NSD1: variants seen among roughly 807,000 people sequenced by gnomAD.
NSD1 encodes the protein nuclear receptor binding SET domain protein 1, also known as histone-lysine N-methyltransferase, H3 lysine-36 specific.
NSD1 carries 26 observed loss-of-function variants against 242.7 expected under a neutral mutation model. The ratio of observed to expected loss-of-function variants is 0.11; its 90% CI spans 0.08 to 0.15. The LOEUF is 0.15. NSD1 is among the 10% of genes least tolerant of loss of function. NSD1 has a pLI of 1.00. For missense variants in NSD1, 2,495 were observed against 3,272.8 expected, an observed-to-expected ratio of 0.76 and a Z score of 5.80; for synonymous variants, 1,106 against 1,178.1, an observed-to-expected ratio of 0.94 and a Z score of 1.25.
chr5:177,138,312 G>C (rs1756518144), intron 2 of NSD1, among the ~76,000 whole-genome samples: 1 of 151,006 alleles, frequency 6.6e-6, no homozygotes, highest in South Asian at 2.1e-4. Context: ...CTGGAGTGTA[G>C]TGGCGCGATC....
chr5:177,157,477 C>A (rs995097202), intron 2 of NSD1, among the ~76,000 whole-genome samples: 1 of 151,758 alleles, frequency 6.6e-6, no homozygotes, highest in African/African-American at 2.4e-5. Flanking sequence ...GTGGGCAGAT[C>A]ACTTGAGGTC....
At chr5:177,259,705 G>A (rs1290858162) in intron 13 of NSD1, among the ~76,000 whole-genome samples, 2 of 152,088 alleles carry the variant, frequency 1.3e-5, no homozygotes, top group African/African-American at 2.4e-5. Flanking sequence ...ATTTATTCTG[G>A]GGCTGATTTC....
intron 2 of NSD1, among the ~76,000 whole-genome samples, chr5:177,168,576 C>A (rs990572093): frequency 1.3e-5 from 2 of 151,678 alleles, no homozygotes; most frequent in African/African-American, 4.8e-5. Context: ...TTCTCCTGCC[C>A]CACCCTCCCA....
In NSD1 at chr5:177,214,134, C is replaced by G. The variant is rs570709889; in HGVS notation, c.3796+1939C>G. Among the ~76,000 whole-genome samples the G allele has an allele frequency of 2.6e-4, 40 of 152,190 alleles. No homozygotes were observed. The East Asian group carries it at 5.4e-3, about 21-fold the overall frequency. On this transcript the variant is annotated intron_variant, in intron 5 of 22. Transcript: ENST00000439151. ...ATCACCTGAGGTCAGGAGTTCAAGA[C>G]CAGCCTGGCCAACATGGCAAAACCC...
chr5:177,260,495 C>T (rs887715802), intron 14 of NSD1, among the ~76,000 whole-genome samples: 1 of 151,628 alleles, frequency 6.6e-6, no homozygotes, highest in Non-Finnish European at 1.5e-5. Context: ...TACAGGTGCC[C>T]GCCACCATGC....
At chr5:177,220,411 C>T (rs139160483) in intron 5 of NSD1, among the ~76,000 whole-genome samples, 1 of 152,142 alleles carries the variant, frequency 6.6e-6, no homozygotes, top group Non-Finnish European at 1.5e-5. Flanking sequence ...CAGCCATTCA[C>T]GTTCAGCCTC....
chr5:177,221,144 A>G (rs1247009100), intron 5 of NSD1: 1 of 384,628 alleles, frequency 2.6e-6, no homozygotes, highest in East Asian at 9.1e-5. Context: ...CAGTGCAGGG[A>G]TTACAGGTGT....
chr5:177,272,921 A>G (rs1758058441), intron 16 of NSD1, among the ~76,000 whole-genome samples: 1 of 151,744 alleles, frequency 6.6e-6, no homozygotes, highest in Non-Finnish European at 1.5e-5. Context: ...TAGATTAGCT[A>G]TGAAGATCTG....
chr5:177,183,328 C>T (rs1760847179), intron 2 of NSD1, among the ~76,000 whole-genome samples: 1 of 152,102 alleles, frequency 6.6e-6, no homozygotes, highest in African/African-American at 2.4e-5. Context: ...CACTTTATCG[C>T]AATATTTGCA....
In NSD1 at chr5:177,268,326, G is replaced by GT. The variant is rs1337984197; in HGVS notation, c.5303+609dup. 4.8e-4 allele frequency among the ~76,000 whole-genome samples: 58 copies of GT among 121,490 alleles called. No homozygotes were observed. The Middle Eastern group carries it at 0.02, about 43-fold the overall frequency. The allele number at this position is 121,490 out of a possible 152,430, so 79.7% of individuals were successfully genotyped here. On this transcript the variant is annotated intron_variant, in intron 15 of 22. Coordinates refer to ENST00000439151, the MANE Select transcript of NSD1 (RefSeq NM_022455.5). ...TGAACATCACACACCGGGAACTGTT[G>GT]TGGGGTGGGGGGTGGGGGGAGGGAT...
chr5:177,248,037 C>A, intron 10 of NSD1, 144 bp from the exon 11 acceptor site: 1 of 1,520,344 alleles, frequency 6.6e-7, no homozygotes, highest in Non-Finnish European at 8.8e-7. Context: ...AGGGTTAGAA[C>A]TAACATTGCA....
At chr5:177,212,422 C>T (rs930696459) in intron 5 of NSD1, among the ~76,000 whole-genome samples, 3 of 151,782 alleles carry the variant, frequency 2.0e-5, no homozygotes, top group African/African-American at 7.3e-5. Flanking sequence ...TTTCCCCAAC[C>T]TTTTCAAGTA....
At chr5:177,225,735 G>A (rs976008897) in intron 5 of NSD1, among the ~76,000 whole-genome samples, 15 of 151,912 alleles carry the variant, frequency 9.9e-5, no homozygotes, top group Non-Finnish European at 1.5e-4. Context: ...CACAATTTTC[G>A]TTCATTATAT....
Position 177,260,107 on chromosome 5 carries a change from T to C in NSD1, c.5085T>C (p.Pro1695=), listed in dbSNP as rs778140864. Residue 1695 remains proline (P), a synonymous_variant, in exon 14 of 23, where the codon CCT becomes CCC. Coordinates refer to ENST00000439151, the MANE Select transcript of NSD1 (RefSeq NM_022455.5). ...TCATCTGCCCTAATCACTTTACCCCTAGGCGGGGCTGCCGAAATCATGAGC... is the reference window on the plus strand; with the variant it reads ...TCATCTGCCCTAATCACTTTACCCCCAGGCGGGGCTGCCGAAATCATGAGC... ...NSIICPNHFT[P]RRGCRNHEHV... The C allele has an allele frequency of 6.2e-7, 1 of 1,614,022 alleles. No homozygotes were observed. The highest frequency in any genetic ancestry group is 1.3e-5 in the African/African-American group (1 of 74,906).
intron 17 of NSD1, among the ~76,000 whole-genome samples, chr5:177,276,843 G>A (rs766264532): frequency 2.6e-5 from 4 of 152,124 alleles, no homozygotes; most frequent in Admixed American, 6.5e-5. Context: ...AACGAAAAAA[G>A]TCATAAACTG....
chr5:177,197,634 A>C (rs949621494), intron 3 of NSD1, among the ~76,000 whole-genome samples: 3 of 152,184 alleles, frequency 2.0e-5, no homozygotes, highest in African/African-American at 7.2e-5. Flanking sequence ...AAAATAAATA[A>C]AACAGAACAA....
chr5:177,237,661 T>C (rs562349744), intron 6 of NSD1, among the ~76,000 whole-genome samples: 1 of 151,116 alleles, frequency 6.6e-6, no homozygotes, highest in African/African-American at 2.4e-5. Flanking sequence ...GCCTCCCGAG[T>C]AGCTGGGACT....
chr5:177,193,765 TTTG>T (rs757472609), intron 3 of NSD1, among the ~76,000 whole-genome samples: 29 of 152,176 alleles, frequency 1.9e-4, no homozygotes, highest in East Asian at 9.6e-4. Flanking sequence ...GATATTAATT[TTTG>T]TTGTTGTTGT....
chr5:177,206,898 CCTTT>C lies in NSD1; in HGVS notation c.1236+2611_1236+2614del, dbSNP rs1762910002. On this transcript the variant is annotated intron_variant, in intron 4 of 22. Coordinates refer to ENST00000439151, the MANE Select transcript of NSD1 (RefSeq NM_022455.5). ...CACACTACCAGATTGTCCGTTTGAT[CCTTT>C]CTTTAAGAGGAGGCTACTCCTCTAG... Among the ~76,000 whole-genome samples, 3 of 150,508 alleles carry C rather than the reference CCTTT, an allele frequency of 2.0e-5. No individual in the cohort carries two copies. In the South Asian group the frequency reaches 6.2e-4, roughly 31 times the overall value.
Sources: gnomAD v4.1 joint callset for allele counts (sites outside exome capture counted in the v4.1 genomes callset) on GRCh38, gnomAD v4.1.1 for gene constraint, MANE v1.5 for transcripts, NCBI Gene and HGNC (gene_info 2026-07-23, HGNC 2026-07-21) for gene names.